EVL: variants seen among roughly 807,000 people sequenced by gnomAD.
The protein encoded by EVL is ena/VASP-like protein.
In EVL, 21 loss-of-function variants were observed where a neutral mutation model predicts 59.6. The ratio of observed to expected loss-of-function variants is 0.35; its 90% confidence interval spans 0.25 to 0.51. EVL has a LOEUF of 0.51. EVL is among the 20% of genes least tolerant of loss of function. EVL has a pLI of 0.97. For missense variants in EVL, 462 were observed against 546.6 expected (o/e 0.85, Z 1.54); for synonymous variants, 198 against 203.5 (o/e 0.97, Z 0.23).
At chr14:100,141,822 C>T (rs1391702223) in intron 13 of EVL, 29 bp downstream of exon 13, 1 of 1,608,114 alleles carries the variant, frequency 6.2e-7, no homozygotes, top group African/African-American at 1.3e-5. Context: ...GGGAGGGTGG[C>T]ACCCAGGTGT....
At chr14:100,054,158 G>A (rs1314058092) in intron 1 of EVL, among the ~76,000 whole-genome samples, 3 of 141,416 alleles carry the variant, frequency 2.1e-5, no homozygotes, top group African/African-American at 5.3e-5. Context: ...AGGTTCAAGC[G>A]ATTCTCCTGC....
intron 1 of EVL, among the ~76,000 whole-genome samples, chr14:99,994,509 CTAA>C (rs1440874490): frequency 6.6e-6 from 1 of 151,776 alleles, no homozygotes; most frequent in African/African-American, 2.4e-5. Context: ...CTACTTCAAA[CTAA>C]TAACAACTTC....
chr14:100,061,452 T>C (rs986195515), upstream of EVL, among the ~76,000 whole-genome samples: 5 of 41,468 alleles, frequency 1.2e-4, no homozygotes, highest in South Asian at 2.0e-3. Context: ...AGGAAGTTCC[T>C]CAGGCTGCAA....
At chr14:100,128,383 C>G in intron 5 of EVL, 136 bp from the exon 6 acceptor site, 4 of 866,008 alleles carry the variant, frequency 4.6e-6, no homozygotes, top group Non-Finnish European at 7.9e-6. Flanking sequence ...CTGGATGAAG[C>G]AGGCCTGGAG....
rs1001054293 is a variant in EVL, at chr14:100,085,820, G to A, written c.180+965G>A. Reference sequence around the variant, plus strand: ...GCTAACAGAGACATCTCTACCCCAGGACCCCTGATAAAAGGTAGTCTTTCT... The same window carrying A: ...GCTAACAGAGACATCTCTACCCCAGAACCCCTGATAAAAGGTAGTCTTTCT... On this transcript the variant is annotated intron_variant, in intron 2 of 13. Transcript: ENST00000392920. Among the ~76,000 whole-genome samples, 3 of 152,210 alleles carry A rather than the reference G, an allele frequency of 2.0e-5. No homozygotes were observed. The East Asian group carries it at 5.8e-4, about 29-fold the overall frequency.
chr14:100,087,517 G>A (rs2062472382), intron 2 of EVL, among the ~76,000 whole-genome samples: 1 of 152,166 alleles, frequency 6.6e-6, no homozygotes. Flanking sequence ...CAGGAGGCCA[G>A]GTGGGAGATT....
chr14:100,003,354 G>T (rs1208697057), intron 1 of EVL, among the ~76,000 whole-genome samples: 1 of 152,118 alleles, frequency 6.6e-6, no homozygotes, highest in Non-Finnish European at 1.5e-5. Flanking sequence ...GTGTCACAAG[G>T]ACTTTAAAAG....
intron 3 of EVL, among the ~76,000 whole-genome samples, chr14:100,110,726 T>C (rs1340075496): frequency 6.6e-6 from 1 of 152,208 alleles, no homozygotes; most frequent in Non-Finnish European, 1.5e-5. Context: ...CTGCTGCCAT[T>C]GTCCTCCTCA....
chr14:100,086,851 C>G (rs1328291684), intron 2 of EVL, among the ~76,000 whole-genome samples: 2 of 152,188 alleles, frequency 1.3e-5, no homozygotes, highest in African/African-American at 4.8e-5. Flanking sequence ...GATATCTCCC[C>G]ACATGGATGG....
At chr14:100,093,656 G>A (rs2062610589) in intron 2 of EVL, among the ~76,000 whole-genome samples, 1 of 152,206 alleles carries the variant, frequency 6.6e-6, no homozygotes, top group South Asian at 2.1e-4. Context: ...ACGTCCTCTA[G>A]AAAGGCTTCA....
chr14:100,014,677 C>T (rs2061038209), intron 1 of EVL, among the ~76,000 whole-genome samples: 1 of 152,084 alleles, frequency 6.6e-6, no homozygotes, highest in African/African-American at 2.4e-5. Context: ...CATATGAACA[C>T]TTTAGTTTTA....
intron 1 of EVL, among the ~76,000 whole-genome samples, chr14:100,028,534 C>T (rs150650542): frequency 1.5e-3 from 232 of 152,142 alleles, no homozygotes; most frequent in African/African-American, 5.2e-3. Context: ...ATCTATCGGC[C>T]GGGCGCGGTG....
chr14:99,987,836 C>A lies in EVL; in HGVS notation c.5+15779C>A, dbSNP rs1004392799. On this transcript the variant is annotated intron_variant, in intron 1 of 13. Coordinates refer to the EVL transcript ENST00000402714. The stretch of plus-strand genomic sequence containing the variant: ...AAATAAATATTGTTTATAAGCCACC[C>A]AGTTTCTGGTATTTTTGTTATAGCA... Among the ~76,000 whole-genome samples, 4 of 151,718 alleles carry A rather than the reference C, an allele frequency of 2.6e-5. No homozygotes were observed. The East Asian group carries it at 7.8e-4, about 29-fold the overall frequency.
intron 1 of EVL, among the ~76,000 whole-genome samples, chr14:100,083,376 T>G (rs2062356212): frequency 6.6e-6 from 1 of 152,118 alleles, no homozygotes; most frequent in Admixed American, 6.5e-5. Context: ...TACTCTATCT[T>G]TTTTTTCTGG....
At chr14:100,101,548 C>A (rs1057298697) in intron 3 of EVL, among the ~76,000 whole-genome samples, 2 of 152,092 alleles carry the variant, frequency 1.3e-5, no homozygotes, top group Non-Finnish European at 1.5e-5. Flanking sequence ...GAGGCTGAGA[C>A]AGGAGAATCA....
chr14:99,997,841 T>C (rs1488641325), intron 1 of EVL, among the ~76,000 whole-genome samples: 1 of 152,178 alleles, frequency 6.6e-6, no homozygotes, highest in African/African-American at 2.4e-5. Flanking sequence ...TCTCCTTTCC[T>C]AAGGGGAAAT....
intron 1 of EVL, among the ~76,000 whole-genome samples, chr14:100,036,539 C>T (rs547671313): frequency 6.6e-6 from 1 of 152,100 alleles, no homozygotes; most frequent in Non-Finnish European, 1.5e-5. Context: ...TTAAGCCAGG[C>T]TTACCCATAA....
At chr14:100,055,307 C>T (rs533204809) in intron 1 of EVL, among the ~76,000 whole-genome samples, 2 of 151,928 alleles carry the variant, frequency 1.3e-5, no homozygotes, top group South Asian at 2.1e-4. Context: ...TTTTTCTCTG[C>T]GCATAATGTT....
intron 3 of EVL, among the ~76,000 whole-genome samples, chr14:100,117,470 C>G (rs367645831): frequency 6.6e-6 from 1 of 152,226 alleles, no homozygotes; most frequent in Admixed American, 6.5e-5. Context: ...TCCATGTGTC[C>G]TATCCCCCTG....
Sources: allele counts gnomAD v4.1 joint callset (sites outside exome capture counted in the v4.1 genomes callset), GRCh38; gene constraint gnomAD v4.1.1; transcripts MANE v1.5; gene names NCBI Gene and HGNC (gene_info 2026-07-23, HGNC 2026-07-21).